The following CYP46A1 variants were observed in gnomAD, a reference collection of about 807,000 sequenced individuals.
CYP46A1 encodes the protein cholesterol 24-hydroxylase.
CYP46A1 carries 20 observed loss-of-function variants against 63.3 expected under a neutral mutation model. The ratio of observed to expected loss-of-function variants is 0.32; its 90% CI spans 0.22 to 0.46. The LOEUF (loss-of-function observed/expected upper bound fraction) is 0.46. CYP46A1 is among the 20% of genes least tolerant of loss of function. The pLI is 1.00. For synonymous variants in CYP46A1, 268 were observed against 273.6 expected, an observed-to-expected ratio of 0.98 and a Z score of 0.20; for missense variants, 445 against 670.8, an observed-to-expected ratio of 0.66 and a Z score of 3.72.
Position 99,725,778 on chromosome 14 carries a change from C to G in CYP46A1, c.1265+299C>G, listed in dbSNP as rs146393656. ...GAGGTTCCTGTCTGAGAAATGGGAC[C>G]ATCCGTGGCTGCATCTGCAAGTTGC... On this transcript the variant is annotated intron_variant, in intron 13 of 14. Coordinates refer to ENST00000261835, the MANE Select transcript of CYP46A1 (RefSeq NM_006668.2). This position sits in a 1 kb window ranked among gnomAD's most constrained non-coding sequence, Gnocchi z 4.2. 7.6e-4 allele frequency among the ~76,000 whole-genome samples: 115 copies of G among 152,304 alleles called. 3 individuals carry two copies. In the South Asian group the frequency reaches 0.015, roughly 19 times the overall value.
At chr14:99,716,025 A>G in intron 8 of CYP46A1, 65 bp downstream of exon 8, 10 of 1,605,590 alleles carry the variant, frequency 6.2e-6, no homozygotes, top group Non-Finnish European at 7.7e-6. Context: ...CAGGTGATAC[A>G]TCGCCACTGA....
chr14:99,719,752 T>A (rs1344265651), intron 10 of CYP46A1, among the ~76,000 whole-genome samples: 2 of 130,498 alleles, frequency 1.5e-5, no homozygotes, highest in Non-Finnish European at 3.2e-5. Flanking sequence ...CCTTCCTTTT[T>A]TTTCTTTTCT....
At chr14:99,717,993 C>A in intron 9 of CYP46A1, 61 bp from the exon 10 acceptor site, 1 of 1,387,466 alleles carries the variant, frequency 7.2e-7, no homozygotes, top group African/African-American at 1.4e-5. Context: ...GAGGCAGGCA[C>A]AAACTGTCTC....
At chr14:99,720,778 G>A (rs544031443) in intron 10 of CYP46A1, among the ~76,000 whole-genome samples, 5 of 152,116 alleles carry the variant, frequency 3.3e-5, no homozygotes, top group Non-Finnish European at 7.4e-5. Context: ...TGTGGCCATC[G>A]CTGGATCTCT....
intron 7 of CYP46A1, among the ~76,000 whole-genome samples, chr14:99,714,239 AGAG>A (rs1471220689): frequency 2.0e-5 from 3 of 152,226 alleles, no homozygotes; most frequent in Non-Finnish European, 4.4e-5. Flanking sequence ...GGGTGAGGAT[AGAG>A]AGAAATGGAA....
intron 5 of CYP46A1, among the ~76,000 whole-genome samples, chr14:99,703,332 A>G (rs991189707): frequency 6.6e-6 from 1 of 152,028 alleles, no homozygotes; most frequent in African/African-American, 2.4e-5. Flanking sequence ...TCATTGGCCT[A>G]CCCTCCTCCT....
intron 1 of CYP46A1, among the ~76,000 whole-genome samples, chr14:99,688,574 C>T (rs1365260917): frequency 6.6e-6 from 1 of 152,130 alleles, no homozygotes; most frequent in African/African-American, 2.4e-5. Context: ...CCTAGGAGCA[C>T]CCCCACCTCC....
Position 99,726,823 on chromosome 14 carries a change from C to T in CYP46A1, c.*96C>T. The stretch of plus-strand genomic sequence containing the variant: ...CCCACCCTTCTCCCCTGCCCCGTCC[C>T]CTGGGCCACCCTTCACGCTGGCTTC... On this transcript the variant is annotated 3_prime_UTR_variant, in exon 15 of 15. Transcript: ENST00000261835. 1 of 1,026,476 alleles carries T rather than the reference C, an allele frequency of 9.7e-7. No homozygotes were observed. Among genetic ancestry groups the T allele is most frequent in the Admixed American group, 3.2e-5 (1 of 31,708 alleles). The allele number at this position is 1,026,476 out of a possible 1,614,324, so 63.6% of individuals were successfully genotyped here. A position where few individuals can be genotyped will look rare whatever the true frequency, so the allele number is the denominator to read the frequency against.
At chr14:99,684,617 C>T (rs2140107654) in intron 1 of CYP46A1, 81 bp downstream of exon 1, 1 of 1,267,118 alleles carries the variant, frequency 7.9e-7, no homozygotes, top group Non-Finnish European at 1.1e-6. Context: ...GCGTCCAGGC[C>T]GGGGGTCCGG....
Position 99,684,307 on chromosome 14 carries a change from C to T in CYP46A1, c.-111C>T, listed in dbSNP as rs1232342181. On this transcript the variant is annotated 5_prime_UTR_variant, in exon 1 of 15. Transcript: ENST00000261835. Reference sequence around the variant, plus strand: ...GGGCGGGGAGGGTGCTGGGTCGCGCCTGGCCTGGGGCCGAGGCGGCGCGCG... The same window carrying T: ...GGGCGGGGAGGGTGCTGGGTCGCGCTTGGCCTGGGGCCGAGGCGGCGCGCG... 1 of 517,602 alleles carries T rather than the reference C, an allele frequency of 1.9e-6. No homozygotes were observed. Among genetic ancestry groups the T allele is most frequent in the Non-Finnish European group, 2.8e-6 (1 of 361,114 alleles). The allele number at this position is 517,602 out of a possible 1,614,324, so 32.1% of individuals were successfully genotyped here. A position where few individuals can be genotyped will look rare whatever the true frequency, so the allele number is the denominator to read the frequency against.
chr14:99,689,078 A>G (rs7144398), intron 1 of CYP46A1, among the ~76,000 whole-genome samples: 47,896 of 151,890 alleles, frequency 0.32, 7,771 homozygotes, highest in East Asian at 0.38. Context: ...GCCTCATCCA[A>G]TCACTGGGCT....
At chr14:99,692,979 G>A (rs2056556824) in intron 3 of CYP46A1, among the ~76,000 whole-genome samples, 1 of 152,220 alleles carries the variant, frequency 6.6e-6, no homozygotes, top group Non-Finnish European at 1.5e-5. Flanking sequence ...AACTGGCTGT[G>A]GGACCTTGGA....
intron 7 of CYP46A1, among the ~76,000 whole-genome samples, chr14:99,713,705 C>T (rs1323728341): frequency 1.3e-5 from 2 of 151,608 alleles, no homozygotes; most frequent in African/African-American, 4.8e-5. Flanking sequence ...GTGGTGAAAC[C>T]CTGTCTCTAC....
Position 99,684,320 on chromosome 14 carries a change from G to C in CYP46A1, c.-98G>C. On this transcript the variant is annotated 5_prime_UTR_variant, in exon 1 of 15. Coordinates refer to ENST00000261835, the MANE Select transcript of CYP46A1 (RefSeq NM_006668.2). ...GCTGGGTCGCGCCTGGCCTGGGGCC[G>C]AGGCGGCGCGCGGCGCTGACAGCTG... 4 of 655,644 alleles carry C rather than the reference G, an allele frequency of 6.1e-6. No homozygotes were observed. Among genetic ancestry groups the C allele is most frequent in the Non-Finnish European group, 6.2e-6 (3 of 481,886 alleles). The allele number at this position is 655,644 out of a possible 1,614,324, so 40.6% of individuals were successfully genotyped here.
At chr14:99,707,722 T>C (rs371491131) in intron 7 of CYP46A1, 44 bp downstream of exon 7, 10 of 1,558,342 alleles carry the variant, frequency 6.4e-6, no homozygotes, top group Admixed American at 1.8e-5. Context: ...ACCAGAGCTG[T>C]TGTCTTCATT....
At position 99,722,772 on chromosome 14, in the gene CYP46A1, G is replaced by T. The variant is rs34640436; in HGVS notation, c.1176+706G>T. ...TTTGTGTAGGTTTCTCCACAAGGCC[G>T]TAGGACAACCACCATCGCTGATCAG... On this transcript the variant is annotated intron_variant, in intron 12 of 14. Transcript: ENST00000261835. This position sits in a 1 kb window ranked among gnomAD's most constrained non-coding sequence, Gnocchi z 4.6. 1 of 326,536 alleles carries T rather than the reference G, an allele frequency of 3.1e-6. No homozygotes were observed. The highest frequency in any genetic ancestry group is 2.1e-5 in the African/African-American group (1 of 47,280). 20.2% of individuals were successfully genotyped at this position (326,536 alleles called of 1,614,324 possible). A position where few individuals can be genotyped will look rare whatever the true frequency, so the allele number is the denominator to read the frequency against.
chr14:99,699,371 C>T (rs1447699223), intron 3 of CYP46A1, 95 bp from the exon 4 acceptor site: 39 of 1,215,406 alleles, frequency 3.2e-5, no homozygotes, highest in Non-Finnish European at 4.6e-5. Flanking sequence ...GGCTGAGACT[C>T]AGCCAATGGT....
At chr14:99,724,940 T>G (rs2056881979) in intron 12 of CYP46A1, among the ~76,000 whole-genome samples, 1 of 152,204 alleles carries the variant, frequency 6.6e-6, no homozygotes, top group African/African-American at 2.4e-5. Flanking sequence ...CTCCCACCCC[T>G]GCTGAAGTAG....
In CYP46A1 at chr14:99,719,476, C is replaced by T. The variant is rs2056823671; in HGVS notation, c.980+1350C>T. On this transcript the variant is annotated intron_variant, in intron 10 of 14. Coordinates refer to ENST00000261835, the MANE Select transcript of CYP46A1 (RefSeq NM_006668.2). Reference sequence around the variant, plus strand: ...GCCTGAAGTGATCCACCCATCTTGGCATCACAAAGTGCTGGGATTACAGGT... The same window carrying T: ...GCCTGAAGTGATCCACCCATCTTGGTATCACAAAGTGCTGGGATTACAGGT... 2.6e-5 allele frequency among the ~76,000 whole-genome samples: 4 copies of T among 151,970 alleles called. No homozygotes were observed. In the South Asian group the frequency reaches 6.2e-4, roughly 24 times the overall value.
Sources: allele counts gnomAD v4.1 joint callset (sites outside exome capture counted in the v4.1 genomes callset), GRCh38; gene constraint gnomAD v4.1.1; non-coding constraint Gnocchi (gnomAD v3.1); transcripts MANE v1.5; gene names NCBI Gene and HGNC (gene_info 2026-07-23, HGNC 2026-07-21).